The following GPC5 variants were observed in gnomAD, a reference collection of about 807,000 sequenced individuals.
GPC5 encodes the protein glypican-5.
GPC5 carries 47 observed loss-of-function variants against 53.9 expected under a neutral mutation model. That is an observed-to-expected ratio of 0.87 (90% CI 0.69 to 1.11). The LOEUF (loss-of-function observed/expected upper bound fraction) is 1.11. Among genes scored for constraint, GPC5 ranks in the 50% most tolerant of loss-of-function variants. GPC5 has a pLI of 0.00. For missense variants in GPC5, 748 were observed against 713.1 expected, an observed-to-expected ratio of 1.05 and a Z score of -0.56; for synonymous variants, 286 against 263.3, an observed-to-expected ratio of 1.09 and a Z score of -0.84.
rs1201626981 is a variant in GPC5 at position 91,571,832 on chromosome 13, CATATACTTGTGTGTATAT to C, written c.326-121353_326-121336del. Among the ~76,000 whole-genome samples the C allele has an allele frequency of 9.4e-3, 795 of 84,578 alleles. 60 individuals carry two copies. Among genetic ancestry groups the C allele is most frequent in the Admixed American group, 0.014 (117 of 8,598 alleles). 55.5% of individuals were successfully genotyped at this position (84,578 alleles called of 152,430 possible). On this transcript the variant is annotated intron_variant, in intron 2 of 7. Transcript: ENST00000377067. ...ACACATACGTGTGTGTATATATACA[CATATACTTGTGTGTATAT>C]ACACATATACGTGTGTGTATATATA...
chr13:92,532,601 A>T (rs1461862939), intron 7 of GPC5, among the ~76,000 whole-genome samples: 1 of 152,156 alleles, frequency 6.6e-6, no homozygotes, highest in South Asian at 2.1e-4. Context: ...GGATCCCCCA[A>T]AAGACTGAAG....
In GPC5 at chr13:92,145,206, A is replaced by T. The variant is rs77994325; in HGVS notation, c.1561+217A>T. Among the ~76,000 whole-genome samples the T allele has an allele frequency of 6.5e-3, 982 of 151,972 alleles. 6 individuals carry two copies. Among genetic ancestry groups the T allele is most frequent in the Middle Eastern group, 0.017 (5 of 294 alleles). On this transcript the variant is annotated intron_variant, in intron 7 of 7. Coordinates refer to ENST00000377067, the MANE Select transcript of GPC5 (RefSeq NM_004466.6). ...TCTAATGAAATGATAGTTTTCTGTG[A>T]AAAAAAACTAGTAAACAATCACCAG...
intron 1 of GPC5, among the ~76,000 whole-genome samples, chr13:91,428,625 G>A (rs909695425): frequency 6.6e-6 from 1 of 152,082 alleles, no homozygotes; most frequent in African/African-American, 2.4e-5. Context: ...ACCTGTCCCT[G>A]TCTACCTAGG....
intron 6 of GPC5, among the ~76,000 whole-genome samples, chr13:92,050,266 A>ATTTTG (rs2041016561): frequency 6.6e-6 from 1 of 152,104 alleles, no homozygotes; most frequent in Admixed American, 6.6e-5. Flanking sequence ...AACATATGTA[A>ATTTTG]TTTTGTTTTG....
intron 2 of GPC5, among the ~76,000 whole-genome samples, chr13:91,583,210 A>C (rs1356072349): frequency 6.6e-6 from 1 of 152,170 alleles, no homozygotes; most frequent in Non-Finnish European, 1.5e-5. Context: ...TCAGATGTGT[A>C]GAGAAAGAAG....
chr13:91,553,570 C>T (rs145301485), intron 2 of GPC5, among the ~76,000 whole-genome samples: 75 of 152,082 alleles, frequency 4.9e-4, no homozygotes, highest in East Asian at 3.7e-3. Flanking sequence ...TTTTCTGCTA[C>T]GGCATTAGTT....
chr13:92,638,566 C>CG (rs1885487378), intron 7 of GPC5, among the ~76,000 whole-genome samples: 1 of 129,634 alleles, frequency 7.7e-6, no homozygotes, highest in Non-Finnish European at 1.9e-5. Context: ...TCTTATACTC[C>CG]TCTTTCTCAG....
chr13:91,711,690 C>G (rs1000786978), intron 3 of GPC5, among the ~76,000 whole-genome samples: 8 of 152,002 alleles, frequency 5.3e-5, no homozygotes, highest in African/African-American at 1.9e-4. Flanking sequence ...ACCAAGAAGC[C>G]CATTTTTGAC....
At chr13:92,764,318 T>C (rs1297209148) in intron 7 of GPC5, among the ~76,000 whole-genome samples, 1 of 152,214 alleles carries the variant, frequency 6.6e-6, no homozygotes, top group Non-Finnish European at 1.5e-5. Context: ...TGACAGATGC[T>C]ACGACTACTT....
At chr13:91,946,162 A>G (rs1305798189) in intron 6 of GPC5, among the ~76,000 whole-genome samples, 1 of 152,056 alleles carries the variant, frequency 6.6e-6, no homozygotes, top group African/African-American at 2.4e-5. Flanking sequence ...TCAGCTTAGT[A>G]CTGTTCGTGA....
At chr13:92,320,425 T>C (rs953102150) in intron 7 of GPC5, among the ~76,000 whole-genome samples, 3 of 152,186 alleles carry the variant, frequency 2.0e-5, no homozygotes, top group African/African-American at 7.2e-5. Context: ...CATAGCATAA[T>C]GACATGCAGG....
chr13:91,739,859 G>C (rs1298509749), intron 4 of GPC5, among the ~76,000 whole-genome samples: 1 of 151,424 alleles, frequency 6.6e-6, no homozygotes, highest in East Asian at 1.9e-4. Flanking sequence ...ACTGTGGGGA[G>C]TTATCATGGA....
At chr13:91,540,313 C>T (rs2029874459) in intron 2 of GPC5, among the ~76,000 whole-genome samples, 1 of 152,214 alleles carries the variant, frequency 6.6e-6, no homozygotes, top group South Asian at 2.1e-4. Context: ...TAAGACCTGC[C>T]TCAAGATCAC....
intron 7 of GPC5, among the ~76,000 whole-genome samples, chr13:92,617,590 A>G (rs1172896327): frequency 6.6e-6 from 1 of 152,168 alleles, no homozygotes; most frequent in African/African-American, 2.4e-5. Context: ...AATTCTCACA[A>G]AAGATTCATT....
At chr13:92,361,233 G>A (rs1456749467) in intron 7 of GPC5, among the ~76,000 whole-genome samples, 1 of 151,724 alleles carries the variant, frequency 6.6e-6, no homozygotes, top group Non-Finnish European at 1.5e-5. Context: ...GTCACATGAA[G>A]TCTACATGCC....
chr13:92,639,369 C>T (rs1254928324), intron 7 of GPC5, among the ~76,000 whole-genome samples: 2 of 152,096 alleles, frequency 1.3e-5, no homozygotes, highest in Non-Finnish European at 2.9e-5. Flanking sequence ...CTGTGTTTCC[C>T]ACCTGTTCTG....
chr13:91,912,651 T>C (rs553454719), intron 6 of GPC5, among the ~76,000 whole-genome samples: 1 of 152,284 alleles, frequency 6.6e-6, no homozygotes, highest in African/African-American at 2.4e-5. Context: ...ATCTGGTTGT[T>C]GGTGCTGGCA....
At chr13:91,831,936 T>C (rs1430534955) in intron 5 of GPC5, among the ~76,000 whole-genome samples, 1 of 151,990 alleles carries the variant, frequency 6.6e-6, no homozygotes, top group Non-Finnish European at 1.5e-5. Context: ...GCATATTCTA[T>C]CGATTTGGAG....
At chr13:92,729,507 T>G (rs939152217) in intron 7 of GPC5, among the ~76,000 whole-genome samples, 1 of 151,420 alleles carries the variant, frequency 6.6e-6, no homozygotes, top group Non-Finnish European at 1.5e-5. Flanking sequence ...TACCTTTTTC[T>G]TTTTCATCTT....
Sources: gnomAD v4.1 joint callset for allele counts (sites outside exome capture counted in the v4.1 genomes callset) on GRCh38, gnomAD v4.1.1 for gene constraint, MANE v1.5 for transcripts, NCBI Gene and HGNC (gene_info 2026-07-23, HGNC 2026-07-21) for gene names.